OSGEPL1: variants seen among roughly 807,000 people sequenced by gnomAD.
OSGEPL1 encodes tRNA N6-adenosine threonylcarbamoyltransferase, mitochondrial.
OSGEPL1 carries 26 observed loss-of-function variants against 37.2 expected under a neutral mutation model. That is an observed-to-expected ratio of 0.70 (90% confidence interval 0.51 to 0.97). The LOEUF (loss-of-function observed/expected upper bound fraction) is 0.97. Among genes scored for constraint, OSGEPL1 ranks in the 50% least tolerant of loss-of-function variants. The pLI, the probability that OSGEPL1 is intolerant of heterozygous loss-of-function variation, is 0.00. For synonymous variants in OSGEPL1, 140 were observed against 159.9 expected (o/e 0.88, Z 0.94); for missense variants, 404 against 487.0 (o/e 0.83, Z 1.60).
Position 189,746,866 on chromosome 2 carries a change from TG to T in OSGEPL1, c.*330del, listed in dbSNP as rs1249281351. 8.9e-6 allele frequency: 3 copies of T among 338,384 alleles called. No homozygotes were observed. Among genetic ancestry groups the T allele is most frequent in the African/African-American group, 6.5e-5 (3 of 45,982 alleles). The allele number at this position is 338,384 out of a possible 1,614,324, so 21.0% of individuals were successfully genotyped here. A position where few individuals can be genotyped will look rare whatever the true frequency, so the allele number is the denominator to read the frequency against. On this transcript the variant is annotated 3_prime_UTR_variant, in exon 9 of 9. Transcript: ENST00000264151. ...CCTGCACTTAAACCTTAAAATTTATTGACTGACATGAGTGGTATAACTAGTG... is the reference window on the plus strand; with the variant it reads ...CCTGCACTTAAACCTTAAAATTTATTACTGACATGAGTGGTATAACTAGTG...
chr2:189,754,672 C>T (rs746882286), intron 3 of OSGEPL1: 9 of 258,648 alleles, frequency 3.5e-5, no homozygotes, highest in Non-Finnish European at 6.4e-5. Context: ...TATTATTTCA[C>T]TGTGGGAAGC....
At chr2:189,749,244 T>TAAAA (rs397987026) in intron 8 of OSGEPL1, among the ~76,000 whole-genome samples, 11 of 63,232 alleles carry the variant, frequency 1.7e-4, no homozygotes, top group East Asian at 5.6e-4. Flanking sequence ...AGACTCTGTC[T>TAAAA]AAAAAAAAAA....
Position 189,762,675 on chromosome 2 carries a change from T to C in OSGEPL1, c.-21+10A>G, listed in dbSNP as rs1026505084. The C allele has an allele frequency of 2.0e-6, 2 of 985,318 alleles. No individual in the cohort carries two copies. Among genetic ancestry groups the C allele is most frequent in the Non-Finnish European group, 2.4e-6 (2 of 829,936 alleles). 61.0% of individuals were successfully genotyped at this position (985,318 alleles called of 1,614,324 possible). Reference sequence around the variant, plus strand: ...CGTCAGTGGGGTGAAGAGTGAGCAATTTCACCCACCTTCCACTTGGGCGGC... The same window carrying C: ...CGTCAGTGGGGTGAAGAGTGAGCAACTTCACCCACCTTCCACTTGGGCGGC... On this transcript the variant is annotated intron_variant, in intron 1 of 8. Transcript: ENST00000264151.
intron 3 of OSGEPL1, 85 bp from the exon 4 acceptor site, chr2:189,754,430 A>G: frequency 7.9e-7 from 1 of 1,270,818 alleles, no homozygotes; most frequent in Middle Eastern, 2.2e-4. Context: ...GAAAATTACT[A>G]ACAAAACAAA....
upstream of OSGEPL1, chr2:189,762,882 C>T (rs903038048): frequency 1.0e-6 from 1 of 985,370 alleles, no homozygotes; most frequent in African/African-American, 1.7e-5. Flanking sequence ...TAAAGGCCGT[C>T]TTTGCCCAAA....
chr2:189,759,694 T>C (rs1350408460), intron 2 of OSGEPL1, among the ~76,000 whole-genome samples: 1 of 152,212 alleles, frequency 6.6e-6, no homozygotes, highest in East Asian at 1.9e-4. Context: ...ACTATTCAGA[T>C]GTTGTAAATT....
chr2:189,759,515 G>T (rs1258795870), intron 2 of OSGEPL1, among the ~76,000 whole-genome samples: 1 of 152,188 alleles, frequency 6.6e-6, no homozygotes, highest in Admixed American at 6.5e-5. Context: ...CTCCCAAAGT[G>T]ATGCGATTAC....
At chr2:189,759,837 T>C (rs1342177167) in intron 2 of OSGEPL1, among the ~76,000 whole-genome samples, 2 of 152,138 alleles carry the variant, frequency 1.3e-5, no homozygotes, top group African/African-American at 4.8e-5. Context: ...AGGACAATAG[T>C]GGAGAGAAGG....
In OSGEPL1 at chr2:189,748,631, C is replaced by T. The variant is rs1057250527; in HGVS notation, c.*29-1463G>A. ...TGGATTGACTGAAATATAGGAAATG[C>T]GGAGGGAAATGGTCTATTTTATACT... On this transcript the variant is annotated intron_variant, in intron 8 of 8. Transcript: ENST00000264151. Among the ~76,000 whole-genome samples the T allele has an allele frequency of 7.9e-5, 12 of 152,082 alleles. No homozygotes were observed. The South Asian group carries it at 2.1e-3, about 26-fold the overall frequency.
In OSGEPL1 at chr2:189,759,370, T is replaced by G. The variant is rs867353372; in HGVS notation, c.221+2050A>C. ...TTCACGCCATTCTCCTGCCTCAGCCTCCCAAGTAGCTGCGACTACAGGCGT... is the reference window on the plus strand; with the variant it reads ...TTCACGCCATTCTCCTGCCTCAGCCGCCCAAGTAGCTGCGACTACAGGCGT... On this transcript the variant is annotated intron_variant, in intron 2 of 8. Transcript: ENST00000264151. Among the ~76,000 whole-genome samples the G allele has an allele frequency of 1.5e-4, 23 of 152,138 alleles. 1 individual carries two copies. The highest frequency in any genetic ancestry group is 1.3e-4 in the Non-Finnish European group (9 of 67,998).
rs763817250 is a variant in OSGEPL1 at position 189,754,149 on chromosome 2, T to C, written c.806A>G (p.Lys269Arg). The C allele has an allele frequency of 6.2e-7, 1 of 1,613,350 alleles. No homozygotes were observed. Among genetic ancestry groups the C allele is most frequent in the South Asian group, 1.1e-5 (1 of 90,996 alleles). Residue 269 changes from lysine to arginine, a missense_variant, in exon 4 of 9, where the codon AAA becomes AGA. Transcript: ENST00000264151. ...VTDKIIMKKE[K>R]EEGIEKGQIL... ...ACTAATTAGAAATATACCTTCCTCT[T>C]TTTCCTTTTTCATTATTATTTTATC...
At chr2:189,762,570 A>T in intron 1 of OSGEPL1, 115 bp downstream of exon 1, 1 of 984,548 alleles carries the variant, frequency 1.0e-6, no homozygotes, top group Non-Finnish European at 1.2e-6. Flanking sequence ...AACCCACGTG[A>T]CTTGGGTAGC....
chr2:189,747,713 G>A (rs2105930177), intron 8 of OSGEPL1, among the ~76,000 whole-genome samples: 1 of 152,136 alleles, frequency 6.6e-6, no homozygotes, highest in Middle Eastern at 3.4e-3. Context: ...ATTTATTCGA[G>A]ATGGAGTCTT....
In OSGEPL1 at chr2:189,746,755, A is replaced by C. The variant is rs1226648283; in HGVS notation, c.*442T>G. On this transcript the variant is annotated 3_prime_UTR_variant, in exon 9 of 9. Coordinates refer to ENST00000264151, the MANE Select transcript of OSGEPL1 (RefSeq NM_022353.3). ...ATGAAAGTTCTTGATCTCGATACTA[A>C]GCAGATTTTCCTTAGCATGTCTACA... 1.3e-5 allele frequency: 12 copies of C among 951,610 alleles called. No homozygotes were observed. Among genetic ancestry groups the C allele is most frequent in the Non-Finnish European group, 1.6e-5 (11 of 684,306 alleles). 58.9% of individuals were successfully genotyped at this position (951,610 alleles called of 1,614,324 possible). A position where few individuals can be genotyped will look rare whatever the true frequency, so the allele number is the denominator to read the frequency against.
In OSGEPL1 at chr2:189,756,389, G is replaced by T. The variant is rs143398002; in HGVS notation, c.222-829C>A. On this transcript the variant is annotated intron_variant, in intron 2 of 8. Transcript: ENST00000264151. Reference sequence around the variant, plus strand: ...GAACTGGAGCAATAAAATAGAGTCTGCAAAACGCACTGCTAGTTTCAAAAA... The same window carrying T: ...GAACTGGAGCAATAAAATAGAGTCTTCAAAACGCACTGCTAGTTTCAAAAA... Among the ~76,000 whole-genome samples the T allele has an allele frequency of 4.6e-3, 697 of 152,168 alleles. 4 individuals carry two copies. The highest frequency in any genetic ancestry group is 0.016 in the African/African-American group (654 of 41,514).
intron 2 of OSGEPL1, among the ~76,000 whole-genome samples, chr2:189,755,807 A>T (rs941973202): frequency 3.3e-5 from 5 of 152,218 alleles, no homozygotes; most frequent in Non-Finnish European, 7.3e-5. Flanking sequence ...TTGTTGACAA[A>T]TGAAATCACC....
rs2047057788 is a variant in OSGEPL1, at chr2:189,761,450, G to C, written c.191C>G (p.Ala64Gly). 6.2e-7 allele frequency: 1 copy of C among 1,609,234 alleles called. No homozygotes were observed. Among genetic ancestry groups the C allele is most frequent in the Non-Finnish European group, 8.5e-7 (1 of 1,178,488 alleles). Reference protein sequence around the residue: ...VDETGNVLGEAIHSQTEVHLK... With the variant: ...VDETGNVLGEGIHSQTEVHLK... ...ATGAACTTCAGTTTGGGAATGTATT[G>C]CTTCTCCCAACACATTTCCAGTTTC... Residue 64 changes from alanine to glycine, a missense_variant, in exon 2 of 9, where the codon GCA becomes GGA. Physicochemically the swap from Ala to Gly is moderately conservative, Grantham distance 60 (BLOSUM62 0). Transcript: ENST00000264151.
intron 7 of OSGEPL1, among the ~76,000 whole-genome samples, chr2:189,751,406 C>A (rs1338224421): frequency 6.6e-6 from 1 of 150,896 alleles, no homozygotes; most frequent in Non-Finnish European, 1.5e-5. Flanking sequence ...ATATATAGCA[C>A]AACTGTCAAG....
chr2:189,761,589 T>C lies in OSGEPL1; in HGVS notation c.52A>G (p.Lys18Glu), dbSNP rs959053694. The C allele has an allele frequency of 1.9e-6, 3 of 1,609,576 alleles. No homozygotes were observed. The highest frequency in any genetic ancestry group is 2.7e-5 in the African/African-American group (2 of 74,676). Residue 18 changes from lysine to glutamate, a missense_variant, in exon 2 of 9, where the codon AAA (lysine) becomes GAA (glutamate). Transcript: ENST00000264151. ...AGVFFKPSKR[K>E]VYEFLRSFNF... ...AAACTTCTTAAAAATTCATAAACTT[T>C]CCTTTTTGATGGTTTAAAAAAAACT...
Sources: allele counts gnomAD v4.1 joint callset (sites outside exome capture counted in the v4.1 genomes callset), GRCh38; gene constraint gnomAD v4.1.1; transcripts MANE v1.5; gene names NCBI Gene and HGNC (gene_info 2026-07-23, HGNC 2026-07-21).